Variants in CORIN observed in about 807,000 individuals in gnomAD.
CORIN encodes the protein atrial natriuretic peptide-converting enzyme.
A neutral mutation model predicts 125.3 loss-of-function variants in CORIN; 117 were observed. That is an observed-to-expected ratio of 0.93 (90% confidence interval 0.80 to 1.09). The LOEUF is 1.09. Ranked by LOEUF, CORIN falls within the 50% of genes least tolerant of loss-of-function variation. The pLI, the probability that CORIN is intolerant of heterozygous loss-of-function variation, is 0.00. For missense variants in CORIN, 1,253 were observed against 1,306.7 expected (o/e 0.96, Z 0.63); for synonymous variants, 450 against 466.4 (o/e 0.96, Z 0.45).
intron 7 of CORIN, 152 bp from the exon 8 acceptor site, chr4:47,680,403 C>T: frequency 6.8e-6 from 4 of 584,582 alleles, no homozygotes; most frequent in East Asian, 3.0e-5. Flanking sequence ...AATTAAAATG[C>T]CACGCCCTCC....
chr4:47,706,673 G>A lies in CORIN; in HGVS notation c.800-13590C>T, dbSNP rs1312419506. 6 of 1,609,736 alleles carry A rather than the reference G, an allele frequency of 3.7e-6. No homozygotes were observed. In the African/African-American group the frequency reaches 4.0e-5, roughly 11 times the overall value. ...AAATTTTGCTCGAAGCCTTCAGTCC[G>A]TTGCGGAGGAGCGAGCTGGACGCCA... is the stretch of plus-strand genomic sequence containing the variant. On this transcript the variant is annotated intron_variant, in intron 5 of 21. Coordinates refer to ENST00000273857, the MANE Select transcript of CORIN (RefSeq NM_006587.4).
At chr4:47,643,578 G>A (rs952629955) in intron 14 of CORIN, among the ~76,000 whole-genome samples, 1 of 152,104 alleles carries the variant, frequency 6.6e-6, no homozygotes, top group Admixed American at 6.5e-5. Flanking sequence ...ATCTGCATGA[G>A]CAGAGCATGA....
chr4:47,817,141 T>C (rs1320770078), intron 1 of CORIN, among the ~76,000 whole-genome samples: 1 of 152,038 alleles, frequency 6.6e-6, no homozygotes, highest in African/African-American at 2.4e-5. Context: ...ATAATAATCA[T>C]TATGTCTCTT....
intron 19 of CORIN, among the ~76,000 whole-genome samples, chr4:47,612,412 A>G (rs1721905121): frequency 6.6e-6 from 1 of 152,194 alleles, no homozygotes; most frequent in Non-Finnish European, 1.5e-5. Flanking sequence ...GTGGTTTTAA[A>G]TGCTACCTAA....
At chr4:47,772,076 C>CATAGATAGATAGATAGATAG (rs57915863) in intron 3 of CORIN, among the ~76,000 whole-genome samples, 29 of 149,124 alleles carry the variant, frequency 1.9e-4, no homozygotes, top group East Asian at 4.0e-4. Context: ...TTTCACATTA[C>CATAGATAGATAGATAGATAG]ATAGATAGAT....
chr4:47,763,483 G>T lies in CORIN; in HGVS notation c.513C>A (p.Phe171Leu). 2.5e-6 allele frequency: 4 copies of T among 1,614,120 alleles called. No individual in the cohort carries two copies. Among genetic ancestry groups the T allele is most frequent in the Non-Finnish European group, 2.5e-6 (3 of 1,180,014 alleles). ...SVVRNMEMEK[F>L]LKFFTYLHRL... ...GATGGAGATATGTGAAAAACTTGAG[G>T]AACTTTTCCATTTCCATGTTTCTGA... The change falls in exon 4 of 22, where the codon TTC becomes TTA. Residue 171 changes from phenylalanine (F) to leucine (L), a missense_variant. Transcript: ENST00000273857.
chr4:47,639,652 G>A (rs148221697), intron 16 of CORIN, among the ~76,000 whole-genome samples: 83 of 152,320 alleles, frequency 5.4e-4, no homozygotes, highest in African/African-American at 2.0e-3. Context: ...GGCCAATCAT[G>A]GCCAGACAAA....
intron 16 of CORIN, among the ~76,000 whole-genome samples, chr4:47,637,519 G>C (rs1376323135): frequency 6.6e-6 from 1 of 152,216 alleles, no homozygotes; most frequent in Admixed American, 6.5e-5. Flanking sequence ...GTGCAGCCTA[G>C]GGACTTGGTG....
intron 5 of CORIN, among the ~76,000 whole-genome samples, chr4:47,735,040 G>A (rs1728061575): frequency 6.6e-6 from 1 of 152,140 alleles, no homozygotes; most frequent in Admixed American, 6.6e-5. Flanking sequence ...AATATTGAAT[G>A]AAAAAATGAA....
Position 47,791,256 on chromosome 4 carries a change from A to C in CORIN, c.209-4331T>G, listed in dbSNP as rs1731065874. Among the ~76,000 whole-genome samples the C allele has an allele frequency of 1.3e-5, 2 of 152,116 alleles. 1 individual carries two copies. The highest frequency in any genetic ancestry group is 2.9e-5 in the Non-Finnish European group (2 of 68,020). On this transcript the variant is annotated intron_variant, in intron 2 of 21. Transcript: ENST00000273857. Reference sequence around the variant, plus strand: ...ATGAACTGTGAGAAAAACTCAATGGACCATTGCTTGTTTTGAAGATGGAAA... The same window carrying C: ...ATGAACTGTGAGAAAAACTCAATGGCCCATTGCTTGTTTTGAAGATGGAAA...
At chr4:47,616,151 T>C (rs1182831566) in intron 19 of CORIN, among the ~76,000 whole-genome samples, 1 of 152,114 alleles carries the variant, frequency 6.6e-6, no homozygotes, top group Non-Finnish European at 1.5e-5. Flanking sequence ...AATGTATTCA[T>C]GTGAAGTTGG....
intron 5 of CORIN, among the ~76,000 whole-genome samples, chr4:47,716,961 C>T (rs1009929633): frequency 6.6e-6 from 1 of 151,968 alleles, no homozygotes; most frequent in Non-Finnish European, 1.5e-5. Context: ...TAGAGAAATA[C>T]CTGTTAGTTG....
At chr4:47,672,600 G>A (rs1034303775) in intron 10 of CORIN, among the ~76,000 whole-genome samples, 76 of 152,064 alleles carry the variant, frequency 5.0e-4, no homozygotes, top group African/African-American at 1.8e-3. Flanking sequence ...AATGGAAACA[G>A]TGGCCCAAAT....
chr4:47,664,839 A>T (rs553483959), intron 11 of CORIN, among the ~76,000 whole-genome samples, 193 bp downstream of exon 11: 1 of 152,342 alleles, frequency 6.6e-6, no homozygotes, highest in East Asian at 1.9e-4. Flanking sequence ...CTTGTTTGGT[A>T]CTTCGTTAAT....
At chr4:47,791,151 G>C (rs1731060922) in intron 2 of CORIN, among the ~76,000 whole-genome samples, 1 of 152,082 alleles carries the variant, frequency 6.6e-6, no homozygotes. Flanking sequence ...AGACTATCCT[G>C]GATTATTCAG....
At chr4:47,655,849 G>GA (rs34392343) in intron 12 of CORIN, among the ~76,000 whole-genome samples, 1,981 of 106,806 alleles carry the variant, frequency 0.019, 12 homozygotes, top group Middle Eastern at 0.028. Context: ...TCTTTCAGCA[G>GA]AAAAAAAAAA....
chr4:47,789,362 G>A (rs1483889972), intron 2 of CORIN, among the ~76,000 whole-genome samples: 2 of 152,082 alleles, frequency 1.3e-5, no homozygotes, highest in African/African-American at 4.8e-5. Flanking sequence ...TTTATCCTAA[G>A]AAGTCCTCTG....
At chr4:47,638,140 T>C (rs1723100566) in intron 16 of CORIN, among the ~76,000 whole-genome samples, 1 of 149,272 alleles carries the variant, frequency 6.7e-6, no homozygotes. Flanking sequence ...AGCCCCTTTG[T>C]TTTGGCCAAT....
Position 47,641,983 on chromosome 4 carries a change from T to C in CORIN, c.2135A>G (p.His712Arg). The change falls in exon 16 of 22, where the codon CAT (histidine) becomes CGT (arginine). Residue 712 changes from histidine (H) to arginine (R), a missense_variant. By Grantham distance (29) the His-to-Arg change is conservative. Transcript: ENST00000273857. ...CTCCTGCCAGCCATCTGCACACACA[T>C]GGTGTTCTGTGGCAGCTCTGTGAAC... is the stretch of plus-strand genomic sequence containing the variant. The part of the protein sequence containing the change: ...LMVHRAATEH[H>R]VCADGWQEIL... 1 of 1,613,606 alleles carries C rather than the reference T, an allele frequency of 6.2e-7. No individual in the cohort carries two copies. Among genetic ancestry groups the C allele is most frequent in the East Asian group, 2.2e-5 (1 of 44,862 alleles).
Sources: gnomAD v4.1 joint callset for allele counts (sites outside exome capture counted in the v4.1 genomes callset) on GRCh38, gnomAD v4.1.1 for gene constraint, MANE v1.5 for transcripts, NCBI Gene and HGNC (gene_info 2026-07-23, HGNC 2026-07-21) for gene names.